PDE11A: variants seen among roughly 807,000 people sequenced by gnomAD.
The protein encoded by PDE11A is phosphodiesterase 11A.
PDE11A carries 100 observed loss-of-function variants against 100.5 expected under a neutral mutation model. The ratio of observed to expected loss-of-function variants is 1.00; its 90% CI spans 0.85 to 1.18. The LOEUF (loss-of-function observed/expected upper bound fraction) is 1.18. Ranked by LOEUF, PDE11A falls within the 50% of genes most tolerant of loss-of-function variation. The pLI is 0.00. For synonymous variants in PDE11A, 381 were observed against 420.8 expected, an observed-to-expected ratio of 0.91 and a Z score of 1.16; for missense variants, 1,141 against 1,152.6, an observed-to-expected ratio of 0.99 and a Z score of 0.15.
At chr2:177,863,406 G>T (rs561589561) in intron 5 of PDE11A, among the ~76,000 whole-genome samples, 90 of 151,886 alleles carry the variant, frequency 5.9e-4, no homozygotes, top group Non-Finnish European at 9.3e-4. Flanking sequence ...CTATGTATTG[G>T]GAACAAATAT....
chr2:177,903,332 C>A (rs559467758), intron 3 of PDE11A, among the ~76,000 whole-genome samples: 1 of 152,296 alleles, frequency 6.6e-6, no homozygotes, highest in Admixed American at 6.5e-5. Flanking sequence ...CCCAACTCAG[C>A]CTTCCTCAAC....
chr2:177,866,138 C>T (rs7588062), intron 5 of PDE11A, among the ~76,000 whole-genome samples: 43,957 of 151,996 alleles, frequency 0.29, 6,523 homozygotes, highest in Middle Eastern at 0.37. Flanking sequence ...TATTGAGTAG[C>T]CTACCAAGTG....
chr2:177,899,639 T>A (rs2084667755), intron 3 of PDE11A: 1 of 199,026 alleles, frequency 5.0e-6, no homozygotes, highest in Non-Finnish European at 1.0e-5. Flanking sequence ...GATTCTTAAA[T>A]ATATATATAT....
At chr2:177,818,297 A>G (rs1320807379) in intron 7 of PDE11A, among the ~76,000 whole-genome samples, 3 of 102,848 alleles carry the variant, frequency 2.9e-5, no homozygotes, top group Non-Finnish European at 1.9e-5. Context: ...AACTGAAAAT[A>G]TATATATATG....
At chr2:177,882,091 T>G (rs1045215240) in intron 4 of PDE11A, among the ~76,000 whole-genome samples, 12 of 152,202 alleles carry the variant, frequency 7.9e-5, no homozygotes, top group African/African-American at 2.9e-4. Flanking sequence ...ATATCCCCAG[T>G]TGGCAGGGGA....
chr2:178,007,038 C>T (rs968478097), intron 2 of PDE11A, among the ~76,000 whole-genome samples: 2 of 152,212 alleles, frequency 1.3e-5, no homozygotes, highest in African/African-American at 4.8e-5. Context: ...ACTTCATCTA[C>T]CACAGCATCT....
intron 2 of PDE11A, among the ~76,000 whole-genome samples, chr2:177,960,859 C>T (rs35987785): frequency 0.1 from 15,917 of 152,156 alleles, 1,152 homozygotes; most frequent in Non-Finnish European, 0.15. Context: ...TTATATGGAT[C>T]CATACATATC....
Position 178,102,373 on chromosome 2 carries a change from C to T in PDE11A, c.162+1929G>A, listed in dbSNP as rs539352788. Among the ~76,000 whole-genome samples, 6 of 151,080 alleles carry T rather than the reference C, an allele frequency of 4.0e-5. No individual in the cohort carries two copies. In the South Asian group the frequency reaches 1.0e-3, roughly 26 times the overall value. On this transcript the variant is annotated intron_variant, in intron 2 of 20. Coordinates refer to the PDE11A transcript ENST00000358450. ...AACTCCTGACCTCGTGATCTGCCAA[C>T]CTCGGCCTCCCAAAGTGCTGGGATT...
intron 2 of PDE11A, among the ~76,000 whole-genome samples, chr2:177,929,562 A>G (rs2085178798): frequency 6.6e-6 from 1 of 152,198 alleles, no homozygotes; most frequent in African/African-American, 2.4e-5. Context: ...TCCAGTTCAT[A>G]ATTCCCATGA....
intron 2 of PDE11A, among the ~76,000 whole-genome samples, chr2:178,078,506 G>C (rs141325181): frequency 0.021 from 3,264 of 152,112 alleles, 83 homozygotes; most frequent in African/African-American, 0.064. Context: ...TATCTAGAAG[G>C]TAAGTCTTTA....
At chr2:177,998,367 G>T in intron 2 of PDE11A, 1 of 819,466 alleles carries the variant, frequency 1.2e-6, no homozygotes, top group Non-Finnish European at 2.2e-6. Flanking sequence ...GCTGAACAAT[G>T]AACCTAAAGT....
At chr2:177,792,707 A>G (rs1287671978) in intron 9 of PDE11A, among the ~76,000 whole-genome samples, 1 of 152,146 alleles carries the variant, frequency 6.6e-6, no homozygotes, top group Non-Finnish European at 1.5e-5. Flanking sequence ...GCAATTTCCA[A>G]TCTGTCTGGA....
At chr2:177,640,174 G>T (rs141450041) in intron 19 of PDE11A, among the ~76,000 whole-genome samples, 2 of 152,264 alleles carry the variant, frequency 1.3e-5, no homozygotes, top group Admixed American at 6.5e-5. Flanking sequence ...AGAGGAGAAA[G>T]AACTTAGAGT....
chr2:177,696,292 T>C (rs931794242), intron 15 of PDE11A, among the ~76,000 whole-genome samples: 13 of 151,974 alleles, frequency 8.6e-5, no homozygotes, highest in African/African-American at 3.1e-4. Context: ...AACATAGAAA[T>C]GAGGCCAGGG....
At chr2:178,024,079 G>C (rs567062368) in intron 1 of PDE11A, among the ~76,000 whole-genome samples, 230 of 152,240 alleles carry the variant, frequency 1.5e-3, no homozygotes, top group African/African-American at 5.4e-3. Flanking sequence ...CTGGCTGTTT[G>C]TCAGGGTAGG....
At chr2:178,095,854 C>T (rs549779463) in intron 2 of PDE11A, among the ~76,000 whole-genome samples, 208 of 152,326 alleles carry the variant, frequency 1.4e-3, no homozygotes, top group African/African-American at 4.9e-3. Context: ...AAGCAACGAC[C>T]TGAGCTGTAC....
At chr2:177,802,908 TA>T (rs2105555923) in intron 9 of PDE11A, among the ~76,000 whole-genome samples, 1 of 152,122 alleles carries the variant, frequency 6.6e-6, no homozygotes, top group Non-Finnish European at 1.5e-5. Flanking sequence ...TGTATAAATT[TA>T]AAAATTTGCT....
chr2:177,700,919 T>C (rs1012858141), intron 14 of PDE11A, among the ~76,000 whole-genome samples: 5 of 152,122 alleles, frequency 3.3e-5, no homozygotes, highest in African/African-American at 1.2e-4. Flanking sequence ...GAAATCCAAG[T>C]AAATCAGCTC....
chr2:177,686,921 T>C (rs1259765902), intron 15 of PDE11A: 1 of 152,100 alleles, frequency 6.6e-6, no homozygotes, highest in African/African-American at 2.4e-5. Flanking sequence ...TTTGCTATGT[T>C]GGCCAGGCTG....
Sources: allele counts gnomAD v4.1 joint callset (sites outside exome capture counted in the v4.1 genomes callset), GRCh38; gene constraint gnomAD v4.1.1; transcripts MANE v1.5; gene names NCBI Gene and HGNC (gene_info 2026-07-23, HGNC 2026-07-21).